Variants in CYLD observed in about 807,000 individuals in gnomAD.
CYLD encodes the protein ubiquitin carboxyl-terminal hydrolase CYLD.
A neutral mutation model predicts 104.5 loss-of-function variants in CYLD; 26 were observed. That is an observed-to-expected ratio of 0.25 (90% CI 0.18 to 0.35). The LOEUF is 0.35. Among genes scored for constraint, CYLD ranks in the 10% least tolerant of loss-of-function variants. The probability of loss-of-function intolerance (pLI) is 1.00; values close to 1 mark genes in which losing one functional copy is unlikely to be tolerated. For synonymous variants in CYLD, 385 were observed against 399.9 expected (o/e 0.96, Z 0.45); for missense variants, 703 against 1,136.1 (o/e 0.62, Z 5.48).
At chr16:50,747,779 A>G (rs1966316561) in intron 2 of CYLD, among the ~76,000 whole-genome samples, 1 of 152,206 alleles carries the variant, frequency 6.6e-6, no homozygotes, top group Non-Finnish European at 1.5e-5. Context: ...ATTAAAACAA[A>G]CACACCACAA....
rs746973224 is a variant in CYLD at position 50,794,400 on chromosome 16, C to T, written c.2658C>T (p.Leu886=). The part of the protein sequence containing the change: ...VKYGKDDSAW[L]FFDSMADRDG... The stretch of plus-strand genomic sequence containing the variant: ...ATGGGAAGGACGATTCTGCCTGGCT[C>T]TTCTTTGACAGCATGGCCGATCGGG... Residue 886 remains leucine (L), a synonymous_variant, in exon 18 of 19, where the codon CTC becomes CTT. Coordinates refer to ENST00000427738, the MANE Select transcript of CYLD (RefSeq NM_001378743.1). This position sits in a 1 kb window ranked among gnomAD's most constrained non-coding sequence, Gnocchi z 4.1. 3 of 1,614,138 alleles carry T rather than the reference C, an allele frequency of 1.9e-6. No homozygotes were observed. Among genetic ancestry groups the T allele is most frequent in the Non-Finnish European group, 2.5e-6 (3 of 1,180,028 alleles).
intron 14 of CYLD, among the ~76,000 whole-genome samples, chr16:50,789,611 C>G (rs1597080740): frequency 6.6e-6 from 1 of 152,070 alleles, no homozygotes; most frequent in East Asian, 1.9e-4. Flanking sequence ...TTGAGAATCA[C>G]TTTTTAAAGA....
chr16:50,755,227 A>ATG lies in CYLD; in HGVS notation c.913+809_913+810dup, dbSNP rs1304118288. ...TGTGTGTATATACACACGTGTACAT[A>ATG]TGTGTGTATATACACACATATGTGT... On this transcript the variant is annotated intron_variant, in intron 5 of 18. Transcript: ENST00000427738. 1.0e-3 allele frequency among the ~76,000 whole-genome samples: 148 copies of ATG among 147,962 alleles called. 1 individual carries two copies. The highest frequency in any genetic ancestry group is 2.6e-3 in the African/African-American group (105 of 40,070).
chr16:50,773,300 A>G (rs1969340407), intron 5 of CYLD, among the ~76,000 whole-genome samples: 1 of 152,242 alleles, frequency 6.6e-6, no homozygotes. Flanking sequence ...TTTTCTGGTT[A>G]AATCAACAAG....
intron 5 of CYLD, among the ~76,000 whole-genome samples, chr16:50,755,605 G>A (rs991632654): frequency 3.9e-5 from 6 of 152,036 alleles, no homozygotes; most frequent in African/African-American, 1.2e-4. Flanking sequence ...TTGTGGTTTC[G>A]ATTTGCATTT....
intron 18 of CYLD, chr16:50,795,721 C>T (rs1048076383): frequency 1.1e-5 from 7 of 633,582 alleles, no homozygotes; most frequent in African/African-American, 5.5e-5. Context: ...GTAGATGTGC[C>T]CCCAACCCAG....
rs1205305907 is a variant in CYLD at position 50,787,667 on chromosome 16, G to T, written c.2042-119G>T. ...AAACTTGAAAACTGTGCTTTTAATT[G>T]AAATAATATTGGATGAATGAAACTG... On this transcript the variant is annotated intron_variant, in intron 13 of 18. Transcript: ENST00000427738. 8 of 603,656 alleles carry T rather than the reference G, an allele frequency of 1.3e-5. No individual in the cohort carries two copies. In the East Asian group the frequency reaches 2.3e-4, roughly 17 times the overall value. The allele number at this position is 603,656 out of a possible 1,614,324, so 37.4% of individuals were successfully genotyped here. A position where few individuals can be genotyped will look rare whatever the true frequency, so the allele number is the denominator to read the frequency against.
Position 50,783,563 on chromosome 16 carries a change from G to A in CYLD, c.1827-766G>A, listed in dbSNP as rs138334125. Among the ~76,000 whole-genome samples, 1,048 of 152,048 alleles carry A rather than the reference G, an allele frequency of 6.9e-3. 11 individuals carry two copies. The highest frequency in any genetic ancestry group is 0.024 in the African/African-American group (990 of 41,500). On this transcript the variant is annotated intron_variant, in intron 11 of 18. Transcript: ENST00000427738. ...GTCACTCGTTTATTTTTTTGAGAAG[G>A]AGTCTCGCTGTGTCGCCCAGGCTGG...
intron 11 of CYLD, chr16:50,784,065 T>C: frequency 2.5e-6 from 1 of 399,994 alleles, no homozygotes; most frequent in Non-Finnish European, 4.7e-6. Flanking sequence ...GTTGGCACGT[T>C]GTTATCCTTT....
intron 12 of CYLD, 79 bp downstream of exon 12, chr16:50,784,530 C>A (rs977822662): frequency 1.4e-6 from 2 of 1,445,088 alleles, no homozygotes; most frequent in African/African-American, 1.4e-5. Flanking sequence ...TTAATTTATA[C>A]CTTGTCTTCA....
Position 50,791,685 on chromosome 16 carries a change from G to T in CYLD, c.2236G>T (p.Ala746Ser), listed in dbSNP as rs1389848555. ...WSFINSNLKF[A>S]EAPSCLIIQM... ...TTTTATCAACAGTAACCTGAAATTT[G>T]CAGAGGTTAGTGATACTCACCTGTG... The change falls in exon 15 of 19, where the codon GCA (alanine) becomes TCA (serine). Residue 746 changes from alanine to serine, a missense_variant. Around this residue, in one of 5 missense-constraint regions of CYLD, gnomAD observed 125 missense variants for 325.4 expected, o/e 0.38. Transcript: ENST00000427738. 1 of 1,613,778 alleles carries T rather than the reference G, an allele frequency of 6.2e-7. No homozygotes were observed. The highest frequency in any genetic ancestry group is 1.1e-5 in the South Asian group (1 of 91,078).
At chr16:50,764,850 A>G (rs535279602) in intron 5 of CYLD, among the ~76,000 whole-genome samples, 1 of 152,308 alleles carries the variant, frequency 6.6e-6, no homozygotes, top group South Asian at 2.1e-4. Context: ...CACAACACAG[A>G]ATTATCTGGT....
intron 14 of CYLD, among the ~76,000 whole-genome samples, chr16:50,790,431 T>A (rs1971314470): frequency 6.6e-6 from 1 of 152,192 alleles, no homozygotes; most frequent in Non-Finnish European, 1.5e-5. Context: ...TACTTCCTGG[T>A]TTCTTATTTT....
intron 5 of CYLD, among the ~76,000 whole-genome samples, chr16:50,754,902 TAC>T (rs1966858340): frequency 6.7e-6 from 1 of 149,408 alleles, no homozygotes; most frequent in Non-Finnish European, 1.5e-5. Flanking sequence ...TATATACATA[TAC>T]ACACATATAT....
At chr16:50,767,999 A>G (rs1213542573) in intron 5 of CYLD, among the ~76,000 whole-genome samples, 1 of 152,218 alleles carries the variant, frequency 6.6e-6, no homozygotes, top group Admixed American at 6.5e-5. Context: ...GGATTGAGAT[A>G]ATTAAAATTA....
chr16:50,788,636 C>A (rs1461164536), intron 14 of CYLD, among the ~76,000 whole-genome samples: 2 of 152,122 alleles, frequency 1.3e-5, no homozygotes, highest in African/African-American at 4.8e-5. Flanking sequence ...GAGACTGATA[C>A]ATAACCATCA....
chr16:50,793,507 A>T (rs780430901), intron 16 of CYLD, 39 bp from the exon 17 acceptor site: 37 of 1,325,566 alleles, frequency 2.8e-5, no homozygotes, highest in African/African-American at 5.8e-5. Flanking sequence ...CATTTTTTTT[A>T]AAGTCCTCTT....
At position 50,751,681 on chromosome 16, in the gene CYLD, C is replaced by T. The variant is rs201431389; in HGVS notation, c.582C>T (p.Gly194=). Residue 194 remains glycine (G), a synonymous_variant, in exon 4 of 19, where the codon GGC becomes GGT. Transcript: ENST00000427738. ...KQLFQCDEDC[G]VFVALDKLEL... The stretch of plus-strand genomic sequence containing the variant: ...TTTTTCAGTGTGATGAAGATTGTGG[C>T]GTGTTTGTTGCATTGGACAAGCTAG... 1.7e-5 allele frequency: 27 copies of T among 1,613,536 alleles called. No individual in the cohort carries two copies. Among genetic ancestry groups the T allele is most frequent in the Middle Eastern group, 1.6e-4 (1 of 6,082 alleles).
intron 5 of CYLD, among the ~76,000 whole-genome samples, chr16:50,767,575 C>T (rs1339193150): frequency 6.6e-6 from 1 of 151,010 alleles, no homozygotes; most frequent in Non-Finnish European, 1.5e-5. Flanking sequence ...ACCTTAATTG[C>T]ATTTCTTTGA....
Sources: gnomAD v4.1 joint callset for allele counts (sites outside exome capture counted in the v4.1 genomes callset) on GRCh38, gnomAD v4.1.1 for gene constraint, gnomAD v4.1.1 regional missense constraint, Gnocchi (gnomAD v3.1) non-coding constraint, MANE v1.5 for transcripts, NCBI Gene and HGNC (gene_info 2026-07-23, HGNC 2026-07-21) for gene names.